OPCML: variants seen among roughly 807,000 people sequenced by gnomAD.
OPCML encodes opioid-binding protein/cell adhesion molecule.
Under a neutral mutation model 37.8 loss-of-function variants are expected in OPCML, and 13 were observed. That is an observed-to-expected ratio of 0.34 (90% CI 0.22 to 0.55). The LOEUF is 0.55. Among genes scored for constraint, OPCML ranks in the 20% least tolerant of loss-of-function variants. The probability of loss-of-function intolerance (pLI) is 0.91; values close to 1 mark genes in which losing one functional copy is unlikely to be tolerated. For missense variants in OPCML, 341 were observed against 435.6 expected (o/e 0.78, Z 1.93); for synonymous variants, 176 against 168.8 (o/e 1.04, Z -0.33).
intron 2 of OPCML, among the ~76,000 whole-genome samples, chr11:132,938,097 T>C (rs1945452909): frequency 6.6e-6 from 1 of 151,974 alleles, no homozygotes; most frequent in Admixed American, 6.6e-5. Context: ...TGTTTAGATA[T>C]AAGGGTTTCA....
At chr11:133,159,728 C>T (rs1426451934) in intron 1 of OPCML, among the ~76,000 whole-genome samples, 4 of 152,210 alleles carry the variant, frequency 2.6e-5, no homozygotes, top group Admixed American at 2.6e-4. Flanking sequence ...GGAATGGCTC[C>T]ACCATTGTGG....
intron 2 of OPCML, among the ~76,000 whole-genome samples, chr11:132,831,297 T>C (rs1458273713): frequency 6.6e-6 from 1 of 150,448 alleles, no homozygotes; most frequent in African/African-American, 2.4e-5. Flanking sequence ...TCAATGCTCA[T>C]TTAGCAGACA....
intron 2 of OPCML, among the ~76,000 whole-genome samples, chr11:132,756,429 C>T (rs566212501): frequency 1.3e-5 from 2 of 152,220 alleles, no homozygotes; most frequent in Admixed American, 6.5e-5. Flanking sequence ...AATTATCAGG[C>T]GTACATTTCC....
At chr11:132,423,812 C>T (rs905547306) in intron 7 of OPCML, among the ~76,000 whole-genome samples, 4 of 152,102 alleles carry the variant, frequency 2.6e-5, no homozygotes, top group Non-Finnish European at 4.4e-5. Context: ...AATGTTAGCT[C>T]AACAAAGCTA....
chr11:132,499,488 G>A (rs1472930671), intron 4 of OPCML, among the ~76,000 whole-genome samples: 1 of 152,172 alleles, frequency 6.6e-6, no homozygotes, highest in Non-Finnish European at 1.5e-5. Flanking sequence ...TCTGCAGAGG[G>A]CAGAACCAGC....
Position 133,302,162 on chromosome 11 carries a change from G to GTT in OPCML, c.61+230101_61+230102insAA, listed in dbSNP as rs544516889. ...AGCTTCTGATATGGCTTGGCTCTGT[G>GTT]TCCCCACCCAGATCTCACCTTGAAT... On this transcript the variant is annotated intron_variant, in intron 1 of 7. Transcript: ENST00000524381. 173 of 152,224 alleles carry GTT rather than the reference G, an allele frequency of 1.1e-3. 1 individual carries two copies. The highest frequency in any genetic ancestry group is 3.8e-3 in the African/African-American group (157 of 41,522). 9.4% of individuals were successfully genotyped at this position (152,224 alleles called of 1,614,324 possible).
rs568244324 is a variant in OPCML at position 133,418,900 on chromosome 11, G to A, written c.61+113364C>T. 2.0e-5 allele frequency among the ~76,000 whole-genome samples: 3 copies of A among 152,200 alleles called. No individual in the cohort carries two copies. In the South Asian group the frequency reaches 6.2e-4, roughly 32 times the overall value. ...TCTTTTCAGACTTTGCATTTCTGAT[G>A]ACCAGCTGACTCCACCTGGACCTGC... On this transcript the variant is annotated intron_variant, in intron 1 of 7. Transcript: ENST00000524381.
chr11:132,424,010 C>T (rs930054481), intron 7 of OPCML, among the ~76,000 whole-genome samples: 1 of 152,056 alleles, frequency 6.6e-6, no homozygotes, highest in East Asian at 1.9e-4. Flanking sequence ...CAAGATGATA[C>T]AATTTTGAAT....
intron 1 of OPCML, among the ~76,000 whole-genome samples, chr11:133,428,134 T>C (rs937770358): frequency 6.6e-6 from 1 of 152,238 alleles, no homozygotes; most frequent in African/African-American, 2.4e-5. Flanking sequence ...TTATTTAGTT[T>C]AGTATTGGAA....
intron 1 of OPCML, chr11:133,006,933 C>A: frequency 1.0e-6 from 1 of 985,446 alleles, no homozygotes. Context: ...GTGGCATAAG[C>A]AGGAGGCCTA....
chr11:132,638,779 C>G (rs1398108174), intron 3 of OPCML, among the ~76,000 whole-genome samples: 1 of 152,162 alleles, frequency 6.6e-6, no homozygotes, highest in African/African-American at 2.4e-5. Flanking sequence ...AACCAACCAA[C>G]CAACACTCCC....
At chr11:133,421,666 AC>A (rs2136895252) in intron 1 of OPCML, 1 of 985,362 alleles carries the variant, frequency 1.0e-6, no homozygotes, top group South Asian at 4.7e-5. Context: ...GTCTAAATGA[AC>A]CCTTTATTTA....
At chr11:133,117,325 T>G (rs1473094214) in intron 1 of OPCML, among the ~76,000 whole-genome samples, 1 of 152,180 alleles carries the variant, frequency 6.6e-6, no homozygotes, top group Non-Finnish European at 1.5e-5. Context: ...CTTTTCTTCC[T>G]CATTTATCTC....
chr11:132,664,831 AC>A (rs1942151363), intron 2 of OPCML, among the ~76,000 whole-genome samples: 2 of 152,190 alleles, frequency 1.3e-5, no homozygotes. Context: ...GAGAGTAATC[AC>A]TCTGCTAGAG....
chr11:133,181,215 C>T (rs1026909494), intron 1 of OPCML, among the ~76,000 whole-genome samples: 2 of 152,074 alleles, frequency 1.3e-5, no homozygotes, highest in Non-Finnish European at 2.9e-5. Context: ...ACTCAGGAAC[C>T]TACACATGAG....
intron 1 of OPCML, among the ~76,000 whole-genome samples, chr11:133,215,724 T>A (rs1012347577): frequency 6.6e-6 from 1 of 152,132 alleles, no homozygotes; most frequent in African/African-American, 2.4e-5. Flanking sequence ...CACACTGACC[T>A]GGCAGGAGGC....
intron 1 of OPCML, among the ~76,000 whole-genome samples, chr11:133,034,308 G>GGTGTATGTATAGGT (rs1555079926): frequency 3.5e-5 from 5 of 143,536 alleles, no homozygotes; most frequent in Non-Finnish European, 6.0e-5. Flanking sequence ...TGTATGTATA[G>GGTGTATGTATAGGT]GTGTGTGTGT....
intron 1 of OPCML, among the ~76,000 whole-genome samples, chr11:133,410,824 TCTC>T (rs1456459847): frequency 1.3e-5 from 2 of 152,080 alleles, no homozygotes; most frequent in Non-Finnish European, 2.9e-5. Flanking sequence ...TTCTGATTCT[TCTC>T]CTTCTGCTGC....
At chr11:133,362,103 T>C (rs1944436133) in intron 1 of OPCML, 1 of 152,392 alleles carries the variant, frequency 6.6e-6, no homozygotes, top group Admixed American at 6.5e-5. Flanking sequence ...CAGCTTCTAA[T>C]TACTGCTAAG....
Sources: allele counts gnomAD v4.1 joint callset (sites outside exome capture counted in the v4.1 genomes callset), GRCh38; gene constraint gnomAD v4.1.1; transcripts MANE v1.5; gene names NCBI Gene and HGNC (gene_info 2026-07-23, HGNC 2026-07-21).